Variants in RIPOR1 observed in about 807,000 individuals in gnomAD.
RIPOR1 encodes RHO family interacting cell polarization regulator 1.
A neutral mutation model predicts 116.5 loss-of-function variants in RIPOR1; 58 were observed. The ratio of observed to expected loss-of-function variants is 0.50; its 90% confidence interval spans 0.40 to 0.62. RIPOR1 has a LOEUF of 0.62. Among genes scored for constraint, RIPOR1 ranks in the 20% least tolerant of loss-of-function variants. RIPOR1 has a pLI of 0.00. For synonymous variants in RIPOR1, 605 were observed against 650.0 expected, an observed-to-expected ratio of 0.93 and a Z score of 1.05; for missense variants, 1,372 against 1,586.2, an observed-to-expected ratio of 0.86 and a Z score of 2.29.
At position 67,542,396 on chromosome 16, in the gene RIPOR1, G is replaced by T. The variant is rs950230379; in HGVS notation, c.1610G>T (p.Gly537Val). ...LDSVHKSTDS[G>V]PSELPGPTHT... ...TCAGTTCATAAGTCCACAGACTCTG[G>T]CCCTTCAGAACTGCCAGGCCCCACT... The change falls in exon 13 of 22, where the codon GGC becomes GTC. Residue 537 changes from glycine (G) to valine (V), a missense_variant. By Grantham distance (109) the Gly-to-Val change is moderately radical. Coordinates refer to ENST00000042381, the MANE Select transcript of RIPOR1 (RefSeq NM_024519.4). The surrounding 1 kb of genome is among the most constrained non-coding windows in gnomAD (Gnocchi z 4.6). The T allele has an allele frequency of 6.2e-7, 1 of 1,613,582 alleles. No individual in the cohort carries two copies. The highest frequency in any genetic ancestry group is 8.5e-7 in the Non-Finnish European group (1 of 1,179,910).
chr16:67,540,745 T>A lies in RIPOR1; in HGVS notation c.801+41T>A. On this transcript the variant is annotated intron_variant, in intron 10 of 21. Transcript: ENST00000042381. The surrounding 1 kb of genome is among the most constrained non-coding windows in gnomAD (Gnocchi z 4.7). ...AGGACGGCAGGCCACCATGGCCCTG[T>A]GAACCCCTTGTGACCCCCATTACCC... 2.6e-6 allele frequency: 4 copies of A among 1,546,570 alleles called. No homozygotes were observed. Among genetic ancestry groups the A allele is most frequent in the Non-Finnish European group, 3.5e-6 (4 of 1,146,658 alleles).
Position 67,531,616 on chromosome 16 carries a change from T to G in RIPOR1, c.-24+2702T>G. On this transcript the variant is annotated intron_variant, in intron 1 of 21. Coordinates refer to ENST00000042381, the MANE Select transcript of RIPOR1 (RefSeq NM_024519.4). This position sits in a 1 kb window ranked among gnomAD's most constrained non-coding sequence, Gnocchi z 4.2. ...GCGATGGGGGCTGCCGGTCAGATTC[T>G]GAAGAACCTTGCAGGTATTGAGAGA... 1 of 454,994 alleles carries G rather than the reference T, an allele frequency of 2.2e-6. No homozygotes were observed. The highest frequency in any genetic ancestry group is 4.4e-6 in the Non-Finnish European group (1 of 226,300). The allele number at this position is 454,994 out of a possible 1,614,324, so 28.2% of individuals were successfully genotyped here. A position where few individuals can be genotyped will look rare whatever the true frequency, so the allele number is the denominator to read the frequency against.
chr16:67,531,694 T>C lies in RIPOR1; in HGVS notation c.-24+2780T>C. 4.5e-6 allele frequency: 2 copies of C among 440,186 alleles called. No individual in the cohort carries two copies. Among genetic ancestry groups the C allele is most frequent in the South Asian group, 1.6e-5 (1 of 62,510 alleles). The allele number at this position is 440,186 out of a possible 1,614,324, so 27.3% of individuals were successfully genotyped here. ...CAGGGGACTGGGAGGAGAGGAGTGG[T>C]TGAAAGAATGTGAGGGACAGGACAA... On this transcript the variant is annotated intron_variant, in intron 1 of 21. Coordinates refer to ENST00000042381, the MANE Select transcript of RIPOR1 (RefSeq NM_024519.4). This position sits in a 1 kb window ranked among gnomAD's most constrained non-coding sequence, Gnocchi z 4.2.
chr16:67,542,908 C>T lies in RIPOR1; in HGVS notation c.2122C>T (p.Pro708Ser), dbSNP rs778709357. The T allele has an allele frequency of 3.7e-6, 6 of 1,607,444 alleles. No homozygotes were observed. In the South Asian group the frequency reaches 6.7e-5, roughly 18 times the overall value. The change falls in exon 13 of 22, where the codon CCC (proline) becomes TCC (serine). Residue 708 changes from proline to serine, a missense_variant. Coordinates refer to ENST00000042381, the MANE Select transcript of RIPOR1 (RefSeq NM_024519.4). The surrounding 1 kb of genome is among the most constrained non-coding windows in gnomAD (Gnocchi z 4.6). ...LPGTDSLPCSPPVSNSYTQAD... is the reference protein window; with the variant it reads ...LPGTDSLPCSSPVSNSYTQAD... ...AGGCACTGACTCCCTTCCCTGTAGTCCCCCAGTCTCCAATTCCTACACTCA... is the reference window on the plus strand; with the variant it reads ...AGGCACTGACTCCCTTCCCTGTAGTTCCCCAGTCTCCAATTCCTACACTCA...
Position 67,539,851 on chromosome 16 carries a change from C to G in RIPOR1, c.366C>G (p.Val122=). The G allele has an allele frequency of 6.2e-7, 1 of 1,614,196 alleles. No individual in the cohort carries two copies. Among genetic ancestry groups the G allele is most frequent in the South Asian group, 1.1e-5 (1 of 91,078 alleles). Residue 122 remains valine (V), a synonymous_variant, in exon 6 of 22, where the codon GTC becomes GTG. Coordinates refer to ENST00000042381, the MANE Select transcript of RIPOR1 (RefSeq NM_024519.4). ...CTGACCCACCTCTCCCCCAGCAAGT[C>G]AAGTCCATTGAACGCTTCCTGCGAC... The part of the protein sequence containing the change: ...LGFLYDLDKQ[V]KSIERFLRRL...
At position 67,543,595 on chromosome 16, in the gene RIPOR1, G is replaced by A. The variant is rs949850166; in HGVS notation, c.2600+126G>A. The A allele has an allele frequency of 2.2e-6, 3 of 1,368,906 alleles. No homozygotes were observed. Among genetic ancestry groups the A allele is most frequent in the Non-Finnish European group, 3.0e-6 (3 of 1,008,652 alleles). 84.8% of individuals were successfully genotyped at this position (1,368,906 alleles called of 1,614,324 possible). A position where few individuals can be genotyped will look rare whatever the true frequency, so the allele number is the denominator to read the frequency against. ...GACAGGACAGGTGAGGCAGGGCCAG[G>A]TGGAGCATGTGAGGACTGAGTTGCT... On this transcript the variant is annotated intron_variant, in intron 14 of 21. Coordinates refer to ENST00000042381, the MANE Select transcript of RIPOR1 (RefSeq NM_024519.4). The surrounding 1 kb of genome is among the most constrained non-coding windows in gnomAD (Gnocchi z 4.7).
At position 67,537,488 on chromosome 16, in the gene RIPOR1, G is replaced by A; in HGVS notation, c.-23-936G>A. On this transcript the variant is annotated intron_variant, in intron 1 of 21. Coordinates refer to ENST00000042381, the MANE Select transcript of RIPOR1 (RefSeq NM_024519.4). This position sits in a 1 kb window ranked among gnomAD's most constrained non-coding sequence, Gnocchi z 4.6. The stretch of plus-strand genomic sequence containing the variant: ...AAGCCGAGCCAGAGCCGCTGGGAGC[G>A]AGCCCGGAGCCCAGCCGGGCGGCTC... The A allele has an allele frequency of 7.9e-7, 1 of 1,258,614 alleles. No individual in the cohort carries two copies. Among genetic ancestry groups the A allele is most frequent in the Admixed American group, 4.2e-5 (1 of 23,684 alleles). 78.0% of individuals were successfully genotyped at this position (1,258,614 alleles called of 1,614,324 possible). A position where few individuals can be genotyped will look rare whatever the true frequency, so the allele number is the denominator to read the frequency against.
upstream of RIPOR1, among the ~76,000 whole-genome samples, chr16:67,524,121 A>G (rs889101650): frequency 2.6e-5 from 4 of 152,232 alleles, no homozygotes; most frequent in African/African-American, 7.2e-5. Flanking sequence ...TATTAATGAG[A>G]TGCGGCACTT....
chr16:67,530,357 G>T lies in RIPOR1; in HGVS notation c.-24+1443G>T, dbSNP rs868405275. Among the ~76,000 whole-genome samples the T allele has an allele frequency of 8.5e-5, 13 of 152,226 alleles. No individual in the cohort carries two copies. Among genetic ancestry groups the T allele is most frequent in the African/African-American group, 2.7e-4 (11 of 41,462 alleles). On this transcript the variant is annotated intron_variant, in intron 1 of 21. Coordinates refer to ENST00000042381, the MANE Select transcript of RIPOR1 (RefSeq NM_024519.4). The surrounding 1 kb of genome is among the most constrained non-coding windows in gnomAD (Gnocchi z 4.5). ...GACAGCCTCCGCCCGGTTCCGGGGT[G>T]GGGGGTCCGGGGCTGTGCCGCTCCC...
chr16:67,530,119 C>T lies in RIPOR1; in HGVS notation c.-24+1205C>T, dbSNP rs544904911. ...CGCCCCAGGGGTCTGGGTTTGGGTGCGGGTGAGGGGAGGACTCAGGACTCT... is the reference window on the plus strand; with the variant it reads ...CGCCCCAGGGGTCTGGGTTTGGGTGTGGGTGAGGGGAGGACTCAGGACTCT... On this transcript the variant is annotated intron_variant, in intron 1 of 21. Coordinates refer to ENST00000042381, the MANE Select transcript of RIPOR1 (RefSeq NM_024519.4). This position sits in a 1 kb window ranked among gnomAD's most constrained non-coding sequence, Gnocchi z 4.5. The T allele has an allele frequency of 1.6e-5, 9 of 558,626 alleles. No homozygotes were observed. The South Asian group carries it at 1.6e-4, about 10-fold the overall frequency. The allele number at this position is 558,626 out of a possible 1,614,324, so 34.6% of individuals were successfully genotyped here.
Position 67,546,145 on chromosome 16 carries a change from C to T in RIPOR1, c.3476C>T (p.Pro1159Leu). 6.2e-7 allele frequency: 1 copy of T among 1,613,942 alleles called. No individual in the cohort carries two copies. The highest frequency in any genetic ancestry group is 8.5e-7 in the Non-Finnish European group (1 of 1,179,988). Residue 1159 changes from proline to leucine, a missense_variant, in exon 21 of 22, where the codon CCC becomes CTC. Pro to Leu is a moderately conservative substitution (Grantham distance 98). Transcript: ENST00000042381. ...GCLALGCIKA[P>L]EGIEPLVYLC... is the part of the protein sequence containing the mutation. Reference sequence around the variant, plus strand: ...CAATGCTCCCTCCCCTGACAGGCTCCCGAGGGCATTGAGCCCCTGGTGTAC... The same window carrying T: ...CAATGCTCCCTCCCCTGACAGGCTCTCGAGGGCATTGAGCCCCTGGTGTAC...
At position 67,544,241 on chromosome 16, in the gene RIPOR1, G is replaced by A. The variant is rs577649330; in HGVS notation, c.2601-58G>A. The A allele has an allele frequency of 3.6e-5, 55 of 1,542,338 alleles. No homozygotes were observed. The African/African-American group carries it at 5.5e-4, about 15-fold the overall frequency. On this transcript the variant is annotated intron_variant, in intron 14 of 21. Coordinates refer to ENST00000042381, the MANE Select transcript of RIPOR1 (RefSeq NM_024519.4). This position sits in a 1 kb window ranked among gnomAD's most constrained non-coding sequence, Gnocchi z 5.1. ...TGGGGGAAGCTTAATAAAAATAAAC[G>A]CTGGTGACCAGGTGGTGATGTGTGC...
At position 67,541,376 on chromosome 16, in the gene RIPOR1, A is replaced by G; in HGVS notation, c.802-54A>G. 6.4e-7 allele frequency: 1 copy of G among 1,563,152 alleles called. No homozygotes were observed. Among genetic ancestry groups the G allele is most frequent in the South Asian group, 1.2e-5 (1 of 85,812 alleles). ...TGCAAATTCAGACCTCAGATTTCCC[A>G]TGATCTCATAGCCCCTGCACCCTTG... On this transcript the variant is annotated intron_variant, in intron 10 of 21. Transcript: ENST00000042381. This position sits in a 1 kb window ranked among gnomAD's most constrained non-coding sequence, Gnocchi z 4.6.
chr16:67,532,982 G>T (rs867060338), intron 1 of RIPOR1, among the ~76,000 whole-genome samples: 12 of 152,142 alleles, frequency 7.9e-5, no homozygotes, highest in African/African-American at 2.7e-4. Flanking sequence ...GTTGGTGATG[G>T]CTTGGACCTG....
intron 1 of RIPOR1, chr16:67,538,199 A>T: frequency 2.4e-6 from 1 of 417,538 alleles, no homozygotes; most frequent in Non-Finnish European, 4.1e-6. Flanking sequence ...GCACCTCGGC[A>T]GGAAGTGGGG....
rs1265511918 is a variant in RIPOR1 at position 67,546,170 on chromosome 16, C to G, written c.3501C>G (p.Tyr1167Ter). 8.1e-6 allele frequency: 13 copies of G among 1,613,862 alleles called. No individual in the cohort carries two copies. The highest frequency in any genetic ancestry group is 1.3e-5 in the African/African-American group (1 of 74,904). Residue 1167 changes from tyrosine (Y) to a stop codon, truncating the protein, a stop_gained, in exon 21 of 22, where the codon TAC becomes TAG. Coordinates refer to ENST00000042381, the MANE Select transcript of RIPOR1 (RefSeq NM_024519.4). LOFTEE classifies it high-confidence loss of function. ...CCGAGGGCATTGAGCCCCTGGTGTA[C>G]CTCTGCCAAACTGACACAGAAGCTG... ...KAPEGIEPLVYLCQTDTEAVR... is the reference protein window; with the variant it reads ...KAPEGIEPLV
Position 67,542,714 on chromosome 16 carries a change from C to A in RIPOR1, c.1928C>A (p.Pro643His). 1.2e-6 allele frequency: 2 copies of A among 1,613,960 alleles called. No homozygotes were observed. Among genetic ancestry groups the A allele is most frequent in the Non-Finnish European group, 1.7e-6 (2 of 1,179,960 alleles). The change falls in exon 13 of 22, where the codon CCT (proline) becomes CAT (histidine). Residue 643 changes from proline (P) to histidine (H), a missense_variant. This residue lies in a region of RIPOR1 where 1,005 missense variants were observed against 1,144.7 expected (regional missense o/e 0.88). Coordinates refer to ENST00000042381, the MANE Select transcript of RIPOR1 (RefSeq NM_024519.4). This position sits in a 1 kb window ranked among gnomAD's most constrained non-coding sequence, Gnocchi z 4.6. ...TSMSPPTTTSPTPSGMGLVQT... is the reference protein window; with the variant it reads ...TSMSPPTTTSHTPSGMGLVQT... ...ATGTCACCTCCCACCACTACAAGTC[C>A]TACCCCCAGTGGTATGGGCCTAGTC...
At position 67,531,097 on chromosome 16, in the gene RIPOR1, G is replaced by A. The variant is rs1270905964; in HGVS notation, c.-24+2183G>A. ...AGAGAAAAGTGATGGAACAGTCAGC[G>A]GTTTCCAAGTCCAGAATCCCAGGGG... is the stretch of plus-strand genomic sequence containing the variant. On this transcript the variant is annotated intron_variant, in intron 1 of 21. Transcript: ENST00000042381. The surrounding 1 kb of genome is among the most constrained non-coding windows in gnomAD (Gnocchi z 4.2). 1.3e-5 allele frequency among the ~76,000 whole-genome samples: 2 copies of A among 152,076 alleles called. No homozygotes were observed. Among genetic ancestry groups the A allele is most frequent in the African/African-American group, 2.4e-5 (1 of 41,388 alleles).
At chr16:67,528,438 A>G (rs921107884), upstream of RIPOR1, 4 of 152,252 alleles carry the variant, frequency 2.6e-5, no homozygotes, top group African/African-American at 9.6e-5. Flanking sequence ...GGACTCCCCA[A>G]GGCCTTCACA....
Sources: allele counts gnomAD v4.1 joint callset (sites outside exome capture counted in the v4.1 genomes callset), GRCh38; gene constraint gnomAD v4.1.1; regional missense constraint gnomAD v4.1.1; non-coding constraint Gnocchi (gnomAD v3.1); transcripts MANE v1.5; gene names NCBI Gene and HGNC (gene_info 2026-07-23, HGNC 2026-07-21).